Variants in COPS4 observed in about 807,000 individuals in gnomAD.
COPS4 encodes the protein COP9 signalosome subunit 4, also known as COP9 signalosome complex subunit 4.
In COPS4, 8 loss-of-function variants were observed where a neutral mutation model predicts 55.1. The ratio of observed to expected loss-of-function variants is 0.15; its 90% confidence interval spans 0.09 to 0.26. COPS4 has a LOEUF of 0.26. Ranked by LOEUF, COPS4 falls within the 10% of genes least tolerant of loss-of-function variation. The pLI is 1.00. For synonymous variants in COPS4, 185 were observed against 165.7 expected, an observed-to-expected ratio of 1.12 and a Z score of -0.90; for missense variants, 248 against 484.0, an observed-to-expected ratio of 0.51 and a Z score of 4.58.
intron 9 of COPS4, among the ~76,000 whole-genome samples, chr4:83,068,910 C>T (rs1015075730): frequency 3.3e-5 from 5 of 150,224 alleles, no homozygotes; most frequent in Non-Finnish European, 7.4e-5. Flanking sequence ...GCAGAAGTTG[C>T]AGTGAGCCGA....
intron 1 of COPS4, among the ~76,000 whole-genome samples, chr4:83,041,494 A>C (rs1206737269): frequency 1.3e-5 from 2 of 151,604 alleles, no homozygotes; most frequent in Non-Finnish European, 2.9e-5. Context: ...AATCTAGTCC[A>C]TTTTTGTTTT....
chr4:83,064,229 C>G (rs907035066), intron 7 of COPS4, among the ~76,000 whole-genome samples: 1 of 151,970 alleles, frequency 6.6e-6, no homozygotes, highest in Non-Finnish European at 1.5e-5. Flanking sequence ...TCTAGCTACT[C>G]GGGAGGCTGA....
chr4:83,071,598 T>C (rs1731433772), intron 9 of COPS4, among the ~76,000 whole-genome samples: 1 of 152,148 alleles, frequency 6.6e-6, no homozygotes, highest in East Asian at 1.9e-4. Context: ...GTTGTTTTTC[T>C]TCTTGAGATG....
intron 1 of COPS4, among the ~76,000 whole-genome samples, chr4:83,039,724 T>C (rs1235077267): frequency 6.6e-6 from 1 of 152,192 alleles, no homozygotes; most frequent in African/African-American, 2.4e-5. Context: ...CTTAACATGC[T>C]TGGCTCAAGC....
intron 4 of COPS4, among the ~76,000 whole-genome samples, chr4:83,053,403 G>A (rs1479073685): frequency 6.6e-6 from 1 of 152,150 alleles, no homozygotes; most frequent in Non-Finnish European, 1.5e-5. Flanking sequence ...GTGACCATAG[G>A]AGTTAGGCTA....
chr4:83,049,773 G>C, intron 3 of COPS4, 108 bp from the exon 4 acceptor site: 1 of 671,410 alleles, frequency 1.5e-6, no homozygotes. Context: ...TACTGTTTAC[G>C]TGGCAGCTTA....
chr4:83,049,158 T>A lies in COPS4; in HGVS notation c.155-8T>A, dbSNP rs577097240. 12 of 1,571,318 alleles carry A rather than the reference T, an allele frequency of 7.6e-6. No homozygotes were observed. The highest frequency in any genetic ancestry group is 6.7e-5 in the East Asian group (3 of 44,468). On this transcript the variant is annotated splice_region_variant and splice_polypyrimidine_tract_variant and intron_variant, in intron 2 of 9. Coordinates refer to ENST00000264389, the MANE Select transcript of COPS4 (RefSeq NM_016129.3). ...TGTTTTCTTATCTTTTTTTTTTTTT[T>A]AAACAAGTGGTAAATGAGAATGTCA...
intron 9 of COPS4, among the ~76,000 whole-genome samples, chr4:83,069,538 T>A (rs1731368707): frequency 6.6e-6 from 1 of 152,208 alleles, no homozygotes; most frequent in East Asian, 1.9e-4. Context: ...TACATTTCTG[T>A]AGTCCACTCT....
chr4:83,066,619 A>C, intron 8 of COPS4, 66 bp downstream of exon 8: 1 of 736,902 alleles, frequency 1.4e-6, no homozygotes, highest in Non-Finnish European at 2.3e-6. Context: ...ATAATGAGAA[A>C]ATAAAATAAA....
In COPS4 at chr4:83,075,502, C is replaced by T; in HGVS notation, c.*72C>T. ...CAGATCAGTTTCACTATCTCCAAAGCATTTGCATCATGACCTTATACATTT... is the reference window on the plus strand; with the variant it reads ...CAGATCAGTTTCACTATCTCCAAAGTATTTGCATCATGACCTTATACATTT... On this transcript the variant is annotated 3_prime_UTR_variant, in exon 10 of 10. Coordinates refer to ENST00000264389, the MANE Select transcript of COPS4 (RefSeq NM_016129.3). The T allele has an allele frequency of 6.5e-7, 1 of 1,537,956 alleles. No individual in the cohort carries two copies. The highest frequency in any genetic ancestry group is 8.9e-7 in the Non-Finnish European group (1 of 1,120,408).
At chr4:83,048,808 A>ATT (rs1156883909) in intron 2 of COPS4, among the ~76,000 whole-genome samples, 4 of 148,332 alleles carry the variant, frequency 2.7e-5, no homozygotes, top group Admixed American at 2.0e-4. Context: ...TGCCTGACTA[A>ATT]TTTTTTTTTT....
chr4:83,039,592 A>G (rs1377594312), intron 1 of COPS4, among the ~76,000 whole-genome samples: 1 of 152,138 alleles, frequency 6.6e-6, no homozygotes, highest in African/African-American at 2.4e-5. Flanking sequence ...GAATCAATGG[A>G]TTAAATCATT....
At position 83,049,977 on chromosome 4, in the gene COPS4, G is replaced by T; in HGVS notation, c.403G>T (p.Gly135Ter). 1 of 1,590,722 alleles carries T rather than the reference G, an allele frequency of 6.3e-7. No individual in the cohort carries two copies. The highest frequency in any genetic ancestry group is 1.1e-5 in the South Asian group (1 of 89,472). ...QVLVGIPLET[G>*]QKQYNVDYKL... Reference sequence around the variant, plus strand: ...GTTGGTGGGAATTCCTTTGGAAACAGGACAAAAGTATAGTAAATAGTGGAT... The same window carrying T: ...GTTGGTGGGAATTCCTTTGGAAACATGACAAAAGTATAGTAAATAGTGGAT... Residue 135 changes from glycine to a stop codon, truncating the protein, a stop_gained, in exon 4 of 10, where the codon GGA becomes TGA. Transcript: ENST00000264389. LOFTEE classifies it high-confidence loss of function.
intron 9 of COPS4, among the ~76,000 whole-genome samples, chr4:83,070,190 G>A (rs1560444689): frequency 6.6e-6 from 1 of 152,046 alleles, no homozygotes; most frequent in South Asian, 2.1e-4. Flanking sequence ...AGAATCTGTA[G>A]TACCTTTAAG....
chr4:83,046,988 T>A (rs1445552498), intron 2 of COPS4, among the ~76,000 whole-genome samples: 1 of 152,226 alleles, frequency 6.6e-6, no homozygotes, highest in Non-Finnish European at 1.5e-5. Context: ...TAATGACACT[T>A]GTAATGAAAC....
intron 4 of COPS4, among the ~76,000 whole-genome samples, chr4:83,053,635 G>A (rs58667169): frequency 0.26 from 39,091 of 151,828 alleles, 5,317 homozygotes; most frequent in East Asian, 0.5. Flanking sequence ...GAGGTCGGGA[G>A]CTTGAGATCA....
intron 4 of COPS4, among the ~76,000 whole-genome samples, chr4:83,051,001 A>G (rs1020369155): frequency 2.0e-5 from 3 of 151,288 alleles, no homozygotes; most frequent in African/African-American, 7.3e-5. Flanking sequence ...GCTCACACCT[A>G]TGGTCCAAGC....
At chr4:83,048,954 G>GT (rs1325797392) in intron 2 of COPS4, among the ~76,000 whole-genome samples, 2 of 152,008 alleles carry the variant, frequency 1.3e-5, no homozygotes, top group African/African-American at 4.8e-5. Flanking sequence ...TATTTTTACT[G>GT]TTTTTGTGTG....
intron 4 of COPS4, among the ~76,000 whole-genome samples, chr4:83,053,567 G>A (rs188462364): frequency 2.2e-4 from 33 of 152,234 alleles, no homozygotes; most frequent in African/African-American, 7.7e-4. Context: ...ATGGCAGGGC[G>A]TGGTAGCTCA....
Sources: allele counts gnomAD v4.1 joint callset (sites outside exome capture counted in the v4.1 genomes callset), GRCh38; gene constraint gnomAD v4.1.1; transcripts MANE v1.5; gene names NCBI Gene and HGNC (gene_info 2026-07-23, HGNC 2026-07-21).